The following RBFOX1 variants were observed in gnomAD, a reference collection of about 807,000 sequenced individuals.
RBFOX1 encodes RNA binding fox-1 homolog 1, also known as RNA binding protein fox-1 homolog 1.
In RBFOX1, 8 loss-of-function variants were observed where a neutral mutation model predicts 57.7. The ratio of observed to expected loss-of-function variants is 0.14; its 90% CI spans 0.08 to 0.25. The LOEUF (loss-of-function observed/expected upper bound fraction) is 0.25. Ranked by LOEUF, RBFOX1 falls within the 10% of genes least tolerant of loss-of-function variation. RBFOX1 has a pLI of 1.00. For synonymous variants in RBFOX1, 326 were observed against 222.4 expected (o/e 1.47, Z -4.15); for missense variants, 611 against 548.5 (o/e 1.11, Z -1.14).
intron 2 of RBFOX1, among the ~76,000 whole-genome samples, chr16:6,643,315 T>A (rs139674763): frequency 5.8e-4 from 88 of 152,336 alleles, no homozygotes; most frequent in Non-Finnish European, 1.1e-3. Context: ...TGAGCTAATT[T>A]GTGAATGGAA....
downstream of RBFOX1, among the ~76,000 whole-genome samples, chr16:5,603,228 T>G (rs556320944): frequency 3.4e-4 from 52 of 152,322 alleles, no homozygotes; most frequent in African/African-American, 1.2e-3. Context: ...ACAGCTAGCA[T>G]CTTTGGGAAC....
At chr16:5,283,656 C>T (rs117241777) in intron 1 of RBFOX1, among the ~76,000 whole-genome samples, 1,957 of 152,264 alleles carry the variant, frequency 0.013, 20 homozygotes, top group Middle Eastern at 0.065. Flanking sequence ...TTTGGGCTTG[C>T]GTGGGGCCTG....
At chr16:6,522,974 G>A (rs933915857) in intron 2 of RBFOX1, among the ~76,000 whole-genome samples, 1 of 152,166 alleles carries the variant, frequency 6.6e-6, no homozygotes, top group Non-Finnish European at 1.5e-5. Flanking sequence ...TAAAGAACCA[G>A]CTCCTTCTTA....
At chr16:7,236,444 G>A (rs117196596) in intron 4 of RBFOX1, among the ~76,000 whole-genome samples, 145 of 152,172 alleles carry the variant, frequency 9.5e-4, no homozygotes, top group East Asian at 1.8e-3. Flanking sequence ...TCTCCTCTCC[G>A]CTGTCATGCA....
intron 1 of RBFOX1, among the ~76,000 whole-genome samples, chr16:6,278,256 G>A (rs1338956756): frequency 3.3e-5 from 5 of 151,638 alleles, no homozygotes; most frequent in Admixed American, 3.3e-4. Flanking sequence ...TCCTGCCCTA[G>A]TGGCAGGGAG....
chr16:5,254,119 A>T (rs576818573), intron 1 of RBFOX1, among the ~76,000 whole-genome samples: 76 of 152,256 alleles, frequency 5.0e-4, no homozygotes, highest in Non-Finnish European at 7.9e-4. Flanking sequence ...GTATATGCTC[A>T]CCTAGAATTT....
At chr16:6,987,648 G>T (rs889598111) in intron 3 of RBFOX1, among the ~76,000 whole-genome samples, 2 of 152,138 alleles carry the variant, frequency 1.3e-5, no homozygotes, top group Non-Finnish European at 2.9e-5. Context: ...GCTCATGACT[G>T]GGGCCTCCAC....
chr16:7,165,401 A>AATAATAATAATG (rs1395198331), intron 4 of RBFOX1, among the ~76,000 whole-genome samples: 2 of 147,314 alleles, frequency 1.4e-5, no homozygotes, highest in Non-Finnish European at 3.0e-5. Flanking sequence ...TAATAATAAT[A>AATAATAATAATG]ATAATAATGA....
intron 3 of RBFOX1, among the ~76,000 whole-genome samples, chr16:6,898,613 G>C (rs560592135): frequency 5.3e-5 from 8 of 152,096 alleles, no homozygotes; most frequent in Non-Finnish European, 1.0e-4. Context: ...AAAGGAAGTA[G>C]GTTATTTTTA....
At chr16:6,865,599 A>G (rs1321856591) in intron 3 of RBFOX1, among the ~76,000 whole-genome samples, 2 of 152,136 alleles carry the variant, frequency 1.3e-5, no homozygotes, top group African/African-American at 2.4e-5. Context: ...GTGATACATT[A>G]TTTTTTAATT....
chr16:7,621,625 G>A (rs897946269), intron 10 of RBFOX1, among the ~76,000 whole-genome samples: 3 of 152,092 alleles, frequency 2.0e-5, no homozygotes, highest in African/African-American at 4.8e-5. Flanking sequence ...TTAAAAGCCT[G>A]TGTTTGAAAA....
intron 2 of RBFOX1, among the ~76,000 whole-genome samples, chr16:5,547,069 A>G (rs1475769311): frequency 6.6e-6 from 1 of 152,222 alleles, no homozygotes; most frequent in East Asian, 1.9e-4. Flanking sequence ...TACATCTTCT[A>G]GGATGACTGA....
Position 6,644,542 on chromosome 16 carries a change from C to T in RBFOX1, c.-63-10061C>T, listed in dbSNP as rs186977457. ...ACTCCTGAGAGGTGGCTTAAGCTGTCCTGTATTTCCTATGAAAAGCTCTCT... is the reference window on the plus strand; with the variant it reads ...ACTCCTGAGAGGTGGCTTAAGCTGTTCTGTATTTCCTATGAAAAGCTCTCT... On this transcript the variant is annotated intron_variant, in intron 2 of 15. Transcript: ENST00000550418. Among the ~76,000 whole-genome samples the T allele has an allele frequency of 7.4e-4, 113 of 152,262 alleles. 1 individual carries two copies. Among genetic ancestry groups the T allele is most frequent in the Non-Finnish European group, 1.3e-3 (86 of 68,020 alleles).
intron 2 of RBFOX1, among the ~76,000 whole-genome samples, chr16:6,433,082 A>C (rs1294889177): frequency 6.6e-6 from 1 of 152,232 alleles, no homozygotes; most frequent in East Asian, 1.9e-4. Context: ...ACAGAGAGAA[A>C]GTCAGGGGAG....
intron 1 of RBFOX1, among the ~76,000 whole-genome samples, chr16:5,276,582 A>C (rs1163565253): frequency 6.6e-6 from 1 of 152,226 alleles, no homozygotes; most frequent in East Asian, 1.9e-4. Flanking sequence ...CAGGAGTTTG[A>C]GACCAGCCTG....
At chr16:6,071,648 A>G (rs984087108) in intron 1 of RBFOX1, among the ~76,000 whole-genome samples, 3 of 152,236 alleles carry the variant, frequency 2.0e-5, no homozygotes, top group Non-Finnish European at 2.9e-5. Context: ...ATAATATGAT[A>G]TTGTTGACTA....
intron 4 of RBFOX1, among the ~76,000 whole-genome samples, chr16:7,500,176 T>G (rs900984954): frequency 6.6e-6 from 1 of 152,162 alleles, no homozygotes; most frequent in Non-Finnish European, 1.5e-5. Context: ...GCACAGACTC[T>G]CCAGTCTCAA....
At chr16:7,301,178 T>C (rs1647363796) in intron 4 of RBFOX1, among the ~76,000 whole-genome samples, 1 of 152,204 alleles carries the variant, frequency 6.6e-6, no homozygotes, top group Admixed American at 6.5e-5. Flanking sequence ...TGCTACCATT[T>C]GATTTGGGGT....
intron 3 of RBFOX1, among the ~76,000 whole-genome samples, chr16:6,971,917 A>T (rs1030081316): frequency 3.3e-5 from 5 of 152,096 alleles, no homozygotes; most frequent in Admixed American, 2.0e-4. Context: ...GGGTGGTGAG[A>T]TGGGAACTGG....
Sources: allele counts gnomAD v4.1 joint callset (sites outside exome capture counted in the v4.1 genomes callset), GRCh38; gene constraint gnomAD v4.1.1; transcripts MANE v1.5; gene names NCBI Gene and HGNC (gene_info 2026-07-23, HGNC 2026-07-21).